Variants in DACH1 observed in about 807,000 individuals in gnomAD.
DACH1 encodes the protein dachshund family transcription factor 1, also known as dachshund homolog 1.
In DACH1, 12 loss-of-function variants were observed where a neutral mutation model predicts 54.2. The observed-to-expected ratio is 0.22, with a 90% confidence interval of 0.14 to 0.36. The LOEUF is 0.36. Among genes scored for constraint, DACH1 ranks in the 10% least tolerant of loss-of-function variants. DACH1 has a pLI of 1.00. For missense variants in DACH1, 805 were observed against 929.8 expected, an observed-to-expected ratio of 0.87 and a Z score of 1.75; for synonymous variants, 386 against 366.2, an observed-to-expected ratio of 1.05 and a Z score of -0.62.
chr13:71,647,032 C>T (rs1309614310), intron 2 of DACH1, among the ~76,000 whole-genome samples: 11 of 152,148 alleles, frequency 7.2e-5, no homozygotes, highest in African/African-American at 2.7e-4. Context: ...TATAGGCAAA[C>T]TGTGATCATA....
At chr13:71,791,051 C>T (rs1443686085) in intron 1 of DACH1, among the ~76,000 whole-genome samples, 1 of 152,134 alleles carries the variant, frequency 6.6e-6, no homozygotes, top group Non-Finnish European at 1.5e-5. Context: ...TGACTGAAAC[C>T]CTGACATGAC....
intron 3 of DACH1, among the ~76,000 whole-genome samples, chr13:71,605,197 A>G (rs1359422990): frequency 6.6e-6 from 1 of 151,952 alleles, no homozygotes; most frequent in Non-Finnish European, 1.5e-5. Flanking sequence ...AAAAGAATCT[A>G]ATGTTTTACA....
chr13:71,554,625 C>T (rs1230097570), intron 6 of DACH1, among the ~76,000 whole-genome samples: 1 of 152,108 alleles, frequency 6.6e-6, no homozygotes, highest in Non-Finnish European at 1.5e-5. Context: ...GTTGTTTTAA[C>T]TCTTGTCTAT....
chr13:71,488,271 A>C (rs1216482284), intron 7 of DACH1, among the ~76,000 whole-genome samples: 1 of 152,212 alleles, frequency 6.6e-6, no homozygotes, highest in Non-Finnish European at 1.5e-5. Context: ...GGAGAAGTAG[A>C]TGACAAAAAT....
intron 1 of DACH1, among the ~76,000 whole-genome samples, chr13:71,853,996 C>G (rs972897023): frequency 6.6e-6 from 1 of 152,018 alleles, no homozygotes; most frequent in Non-Finnish European, 1.5e-5. Flanking sequence ...CCAAGGGTAC[C>G]TGAAATCACA....
At chr13:71,450,143 C>A (rs1332986833) in intron 10 of DACH1, among the ~76,000 whole-genome samples, 4 of 145,460 alleles carry the variant, frequency 2.7e-5, no homozygotes, top group African/African-American at 1.0e-4. Flanking sequence ...TTTTATTTTG[C>A]TTCATTTTAT....
intron 1 of DACH1, among the ~76,000 whole-genome samples, chr13:71,734,160 C>T (rs915137232): frequency 7.3e-5 from 10 of 136,796 alleles, no homozygotes; most frequent in Non-Finnish European, 1.6e-4. Flanking sequence ...ATCCCATATA[C>T]GTATACCCCA....
At chr13:71,672,272 C>A (rs1340893064) in intron 2 of DACH1, among the ~76,000 whole-genome samples, 1 of 152,012 alleles carries the variant, frequency 6.6e-6, no homozygotes, top group Non-Finnish European at 1.5e-5. Context: ...ATGCAGAATA[C>A]GTTTAAATCA....
Position 71,575,706 on chromosome 13 carries a change from T to C in DACH1, c.1127-2694A>G, listed in dbSNP as rs144402306. On this transcript the variant is annotated intron_variant, in intron 3 of 10. Coordinates refer to ENST00000613252, the MANE Select transcript of DACH1 (RefSeq NM_080759.6). ...CACAGGTAAATATCAAGCATTCATA[T>C]GTGAATTTTCTCTAGTAAGTTTCTA... 1.2e-3 allele frequency among the ~76,000 whole-genome samples: 184 copies of C among 152,218 alleles called. 2 individuals are homozygous for C. In the East Asian group the frequency reaches 0.028, roughly 23 times the overall value.
At chr13:71,491,058 C>T (rs1345418383) in intron 6 of DACH1, among the ~76,000 whole-genome samples, 4 of 152,150 alleles carry the variant, frequency 2.6e-5, no homozygotes, top group Admixed American at 2.0e-4. Flanking sequence ...TAAGTTTCAT[C>T]ATCCCCATAA....
At chr13:71,790,572 A>G (rs1886792788) in intron 1 of DACH1, among the ~76,000 whole-genome samples, 1 of 152,172 alleles carries the variant, frequency 6.6e-6, no homozygotes, top group African/African-American at 2.4e-5. Flanking sequence ...CAAAGATAAA[A>G]GCAAAAATCT....
At chr13:71,844,224 A>C (rs1204530819) in intron 1 of DACH1, among the ~76,000 whole-genome samples, 1 of 152,184 alleles carries the variant, frequency 6.6e-6, no homozygotes, top group Non-Finnish European at 1.5e-5. Flanking sequence ...TCAACTACAG[A>C]GGTTTCCATG....
rs193110821 is a variant in DACH1 at position 71,687,972 on chromosome 13, T to C, written c.849-6062A>G. On this transcript the variant is annotated intron_variant, in intron 1 of 10. Coordinates refer to ENST00000613252, the MANE Select transcript of DACH1 (RefSeq NM_080759.6). ...TGGATCATATTTTTCAGAGACTTCA[T>C]TGTGGACAAATCATGACCCTAGCTA... 6.5e-3 allele frequency among the ~76,000 whole-genome samples: 997 copies of C among 152,328 alleles called. 9 individuals carry two copies. The highest frequency in any genetic ancestry group is 0.012 in the Non-Finnish European group (818 of 68,022).
chr13:71,760,413 C>T (rs189561993), intron 1 of DACH1, among the ~76,000 whole-genome samples: 31 of 152,280 alleles, frequency 2.0e-4, no homozygotes, highest in South Asian at 4.1e-4. Flanking sequence ...CTCACTTGCT[C>T]GTTCATTCTC....
intron 6 of DACH1, among the ~76,000 whole-genome samples, chr13:71,522,193 TA>T (rs1476121003): frequency 6.6e-6 from 1 of 152,112 alleles, no homozygotes; most frequent in East Asian, 1.9e-4. Context: ...TATAAACTAT[TA>T]TTTGTTTCAC....
chr13:71,807,167 A>C (rs1887534826), intron 1 of DACH1, among the ~76,000 whole-genome samples: 3 of 152,166 alleles, frequency 2.0e-5, no homozygotes, highest in African/African-American at 7.2e-5. Flanking sequence ...ATATCAGCAC[A>C]AGTAATATTT....
intron 6 of DACH1, among the ~76,000 whole-genome samples, chr13:71,533,369 A>C (rs1469822421): frequency 6.6e-6 from 1 of 151,986 alleles, no homozygotes; most frequent in Admixed American, 6.6e-5. Flanking sequence ...GAGAAAAGGA[A>C]AGGAAACGTG....
At chr13:71,628,189 C>T (rs1047795201) in intron 3 of DACH1, among the ~76,000 whole-genome samples, 6 of 151,978 alleles carry the variant, frequency 3.9e-5, no homozygotes, top group Non-Finnish European at 7.4e-5. Flanking sequence ...AGATTGTGGC[C>T]ATCAAAGCTG....
At chr13:71,449,431 G>T (rs962147659) in intron 10 of DACH1, among the ~76,000 whole-genome samples, 1 of 152,112 alleles carries the variant, frequency 6.6e-6, no homozygotes, top group African/African-American at 2.4e-5. Context: ...TACTAAAAAG[G>T]GCTGGTATGC....
Sources: gnomAD v4.1 joint callset for allele counts (sites outside exome capture counted in the v4.1 genomes callset) on GRCh38, gnomAD v4.1.1 for gene constraint, MANE v1.5 for transcripts, NCBI Gene and HGNC (gene_info 2026-07-23, HGNC 2026-07-21) for gene names.